GPR160: variants seen among roughly 807,000 people sequenced by gnomAD.
GPR160 encodes the protein probable G protein-coupled receptor 160.
A neutral mutation model predicts 2.6 loss-of-function variants in GPR160; 2 were observed. The ratio of observed to expected loss-of-function variants is 0.77; its 90% confidence interval spans 0.32 to 2.44. The LOEUF is 2.44. GPR160 is among the 30% of genes most tolerant of loss of function. The pLI, the probability that GPR160 is intolerant of heterozygous loss-of-function variation, is 0.11. For synonymous variants in GPR160, 130 were observed against 132.2 expected (o/e 0.98, Z 0.12); for missense variants, 351 against 383.6 (o/e 0.91, Z 0.71).
At position 170,085,249 on chromosome 3, in the gene GPR160, GA is replaced by G. The variant is rs1713374534; in HGVS notation, c.*261del. 1 of 244,522 alleles carries G rather than the reference GA, an allele frequency of 4.1e-6. No individual in the cohort carries two copies. 15.1% of individuals were successfully genotyped at this position (244,522 alleles called of 1,614,324 possible). On this transcript the variant is annotated 3_prime_UTR_variant, in exon 4 of 4. Transcript: ENST00000355897. ...TTACTTTGTTATTAACACAAAAAGT[GA>G]TAAGAGTTAACATTTGGCTATACTG...
At chr3:170,078,133 T>C (rs1712957941) in intron 2 of GPR160, among the ~76,000 whole-genome samples, 1 of 152,188 alleles carries the variant, frequency 6.6e-6, no homozygotes, top group Non-Finnish European at 1.5e-5. Context: ...TTGTTTTCCA[T>C]AACCCATAGT....
chr3:170,049,123 G>A (rs1220206447), intron 2 of GPR160, among the ~76,000 whole-genome samples: 3 of 152,270 alleles, frequency 2.0e-5, no homozygotes, highest in East Asian at 3.9e-4. Flanking sequence ...GACAAGAGCA[G>A]GCTCCCCTCA....
intron 2 of GPR160, chr3:170,077,892 A>C (rs1712944813): frequency 5.9e-6 from 1 of 168,484 alleles, no homozygotes; most frequent in African/African-American, 2.4e-5. Context: ...GGAACGCTGC[A>C]ATGGATCGCG....
intron 2 of GPR160, among the ~76,000 whole-genome samples, chr3:170,053,295 G>GT (rs1238170644): frequency 5.3e-5 from 8 of 151,910 alleles, no homozygotes; most frequent in Non-Finnish European, 8.8e-5. Flanking sequence ...AGGTCTTTAG[G>GT]TTTTTTTGGC....
At chr3:170,071,515 A>G (rs1177436212) in intron 2 of GPR160, among the ~76,000 whole-genome samples, 5 of 152,166 alleles carry the variant, frequency 3.3e-5, no homozygotes, top group Non-Finnish European at 4.4e-5. Context: ...TTTATAGGCC[A>G]GGCACAGTGG....
At chr3:170,061,220 A>G (rs1190327531) in intron 2 of GPR160, among the ~76,000 whole-genome samples, 1 of 151,766 alleles carries the variant, frequency 6.6e-6, no homozygotes, top group Non-Finnish European at 1.5e-5. Context: ...GGTTGCAGTG[A>G]GCCGATATGG....
chr3:170,067,479 C>T (rs1297386268), intron 2 of GPR160, among the ~76,000 whole-genome samples: 2 of 151,816 alleles, frequency 1.3e-5, no homozygotes, highest in African/African-American at 2.4e-5. Flanking sequence ...AATATTTTAC[C>T]ATTTTTTTTC....
chr3:170,065,199 GTACAT>G (rs1343164325), intron 2 of GPR160, among the ~76,000 whole-genome samples: 2 of 152,090 alleles, frequency 1.3e-5, no homozygotes, highest in Non-Finnish European at 2.9e-5. Context: ...AATGAGTATC[GTACAT>G]TACAATTACA....
chr3:170,054,122 T>C lies in GPR160; in HGVS notation c.-193+15079T>C, dbSNP rs189952631. On this transcript the variant is annotated intron_variant, in intron 2 of 3. Coordinates refer to ENST00000355897, the MANE Select transcript of GPR160 (RefSeq NM_014373.3). Reference sequence around the variant, plus strand: ...TTGTGTGTGTGTGTGTGTATGTGTGTGTAGAGTTATTTGGCTTGAGAGCCC... The same window carrying C: ...TTGTGTGTGTGTGTGTGTATGTGTGCGTAGAGTTATTTGGCTTGAGAGCCC... 6.0e-3 allele frequency among the ~76,000 whole-genome samples: 920 copies of C among 152,146 alleles called. 7 individuals are homozygous for C. The highest frequency in any genetic ancestry group is 0.01 in the Non-Finnish European group (690 of 68,012).
At chr3:170,067,619 C>T (rs1376401709) in intron 2 of GPR160, among the ~76,000 whole-genome samples, 1 of 152,158 alleles carries the variant, frequency 6.6e-6, no homozygotes, top group Admixed American at 6.5e-5. Flanking sequence ...TAGGCCCCTT[C>T]CATGTGACCT....
intron 2 of GPR160, among the ~76,000 whole-genome samples, chr3:170,052,174 C>T (rs1011591112): frequency 1.3e-5 from 2 of 151,958 alleles, no homozygotes; most frequent in Admixed American, 6.5e-5. Flanking sequence ...GATCCGCCCA[C>T]CTTGGCCTTC....
intron 2 of GPR160, among the ~76,000 whole-genome samples, chr3:170,078,728 G>A (rs1352184382): frequency 6.6e-6 from 1 of 152,132 alleles, no homozygotes; most frequent in Non-Finnish European, 1.5e-5. Context: ...ACCGCTTTAC[G>A]CAAAGCCAGA....
chr3:170,039,782 A>G (rs980949089), intron 2 of GPR160, among the ~76,000 whole-genome samples: 6 of 152,232 alleles, frequency 3.9e-5, no homozygotes, highest in African/African-American at 1.4e-4. Context: ...GGAAATTATA[A>G]TAGTTCTGTT....
intron 2 of GPR160, among the ~76,000 whole-genome samples, chr3:170,052,645 T>C (rs1717008517): frequency 6.6e-6 from 1 of 152,222 alleles, no homozygotes; most frequent in Non-Finnish European, 1.5e-5. Context: ...ACAAGTCTTT[T>C]GTTAGATAGA....
intron 2 of GPR160, among the ~76,000 whole-genome samples, chr3:170,041,741 T>A (rs889930541): frequency 6.6e-6 from 1 of 152,206 alleles, no homozygotes; most frequent in African/African-American, 2.4e-5. Context: ...ATTGTTTGGT[T>A]TGTGGCTCTG....
At position 170,066,130 on chromosome 3, in the gene GPR160, C is replaced by CTTTTTTTTTTTTTT. The variant is rs768660597; in HGVS notation, c.-192-13629_-192-13616dup. Among the ~76,000 whole-genome samples, 59 of 85,170 alleles carry CTTTTTTTTTTTTTT rather than the reference C, an allele frequency of 6.9e-4. 5 individuals carry two copies. The highest frequency in any genetic ancestry group is 1.6e-3 in the African/African-American group (32 of 19,394). The allele number at this position is 85,170 out of a possible 152,430, so 55.9% of individuals were successfully genotyped here. A position where few individuals can be genotyped will look rare whatever the true frequency, so the allele number is the denominator to read the frequency against. ...ACTTGACACTATTCTTTTTCTTTTT[C>CTTTTTTTTTTTTTT]TTTTTTTTTTTTTTTTTTTTTTTTT... On this transcript the variant is annotated intron_variant, in intron 2 of 3. Coordinates refer to ENST00000355897, the MANE Select transcript of GPR160 (RefSeq NM_014373.3).
intron 2 of GPR160, among the ~76,000 whole-genome samples, chr3:170,048,282 G>A (rs763998365): frequency 6.6e-6 from 1 of 152,180 alleles, no homozygotes; most frequent in African/African-American, 2.4e-5. Context: ...ATGGGAAGGG[G>A]ATGAGGGATG....
chr3:170,059,030 AACAC>A (rs10542909), intron 2 of GPR160, among the ~76,000 whole-genome samples: 18,281 of 148,776 alleles, frequency 0.12, 1,126 homozygotes, highest in Middle Eastern at 0.18. Context: ...CACATGCACA[AACAC>A]ACACACACAC....
intron 3 of GPR160, among the ~76,000 whole-genome samples, chr3:170,081,780 G>C (rs139275846): frequency 0.012 from 1,853 of 152,108 alleles, 40 homozygotes; most frequent in African/African-American, 0.042. Flanking sequence ...TTGTGTCCAT[G>C]TGTTCTCATC....
Sources: allele counts gnomAD v4.1 joint callset (sites outside exome capture counted in the v4.1 genomes callset), GRCh38; gene constraint gnomAD v4.1.1; transcripts MANE v1.5; gene names NCBI Gene and HGNC (gene_info 2026-07-23, HGNC 2026-07-21).